The following NSMCE2 variants were observed in gnomAD, a reference collection of about 807,000 sequenced individuals.
The protein encoded by NSMCE2 is NSE2 SUMO ligase component of SMC5/6 complex.
Under a neutral mutation model 23.8 loss-of-function variants are expected in NSMCE2, and 24 were observed. The observed-to-expected ratio is 1.01, with a 90% CI of 0.73 to 1.42. NSMCE2 has a LOEUF of 1.42. Ranked by LOEUF, NSMCE2 falls within the 40% of genes most tolerant of loss-of-function variation. The probability of loss-of-function intolerance (pLI) is 0.00; values close to 1 mark genes in which losing one functional copy is unlikely to be tolerated. For missense variants in NSMCE2, 284 were observed against 296.5 expected (o/e 0.96, Z 0.31); for synonymous variants, 92 against 94.1 (o/e 0.98, Z 0.13).
chr8:125,365,956 A>T (rs1035837352), intron 7 of NSMCE2, among the ~76,000 whole-genome samples: 34 of 152,190 alleles, frequency 2.2e-4, no homozygotes, highest in African/African-American at 7.0e-4. Flanking sequence ...CGCTGCAGCC[A>T]CATAGAGCTT....
intron 5 of NSMCE2, among the ~76,000 whole-genome samples, chr8:125,293,570 A>G (rs1470945052): frequency 3.7e-5 from 5 of 135,104 alleles, no homozygotes; most frequent in African/African-American, 9.0e-5. Flanking sequence ...TGTAGGGAAC[A>G]CAAACAGGAG....
intron 3 of NSMCE2, among the ~76,000 whole-genome samples, chr8:125,138,463 T>G (rs1820184358): frequency 6.6e-6 from 1 of 152,076 alleles, no homozygotes. Flanking sequence ...TGGCCTGAAG[T>G]GATCCTCCTG....
At chr8:125,327,127 G>C (rs188292775) in intron 5 of NSMCE2, among the ~76,000 whole-genome samples, 2 of 151,558 alleles carry the variant, frequency 1.3e-5, no homozygotes, top group African/African-American at 2.4e-5. Context: ...ATTAGCCGGC[G>C]TGGTGGCGAG....
intron 7 of NSMCE2, among the ~76,000 whole-genome samples, chr8:125,366,063 C>T (rs1450286721): frequency 6.6e-6 from 1 of 152,092 alleles, no homozygotes; most frequent in Non-Finnish European, 1.5e-5. Flanking sequence ...ACGCTTCATT[C>T]TGGGTCCTGC....
intron 5 of NSMCE2, among the ~76,000 whole-genome samples, chr8:125,256,884 C>G (rs1308176103): frequency 8.3e-6 from 1 of 120,832 alleles, no homozygotes; most frequent in African/African-American, 3.2e-5. Context: ...GATTGTGCCA[C>G]TGCACTCCAG....
intron 3 of NSMCE2, among the ~76,000 whole-genome samples, chr8:125,139,135 A>G (rs544585716): frequency 6.6e-6 from 1 of 152,300 alleles, no homozygotes; most frequent in African/African-American, 2.4e-5. Flanking sequence ...TTGCCATCAC[A>G]CTAAGAGCCA....
At chr8:125,344,109 T>A (rs1164384315) in intron 5 of NSMCE2, among the ~76,000 whole-genome samples, 1 of 152,202 alleles carries the variant, frequency 6.6e-6, no homozygotes, top group Non-Finnish European at 1.5e-5. Flanking sequence ...AATTGAAATG[T>A]TGCAGTTTTA....
chr8:125,247,653 A>T (rs1357817391), intron 5 of NSMCE2, among the ~76,000 whole-genome samples: 2 of 151,786 alleles, frequency 1.3e-5, no homozygotes, highest in African/African-American at 4.8e-5. Flanking sequence ...TGAACCCAGG[A>T]GGCAGAGGTT....
intron 5 of NSMCE2, among the ~76,000 whole-genome samples, chr8:125,279,465 T>G (rs1827610380): frequency 6.6e-6 from 1 of 152,218 alleles, no homozygotes; most frequent in African/African-American, 2.4e-5. Flanking sequence ...ATGAGCGTTT[T>G]GTTAAATAAG....
chr8:125,201,039 C>G lies in NSMCE2; in HGVS notation c.418+18783C>G, dbSNP rs549174561. ...TCTATCAATTCATTTAAGGTCTTCT[C>G]TATACTGTTTATTCTAGTTAGTCAT... On this transcript the variant is annotated intron_variant, in intron 5 of 7. Transcript: ENST00000287437. 3.1e-3 allele frequency among the ~76,000 whole-genome samples: 469 copies of G among 152,300 alleles called. 3 individuals are homozygous for G. Among genetic ancestry groups the G allele is most frequent in the African/African-American group, 0.011 (451 of 41,574 alleles).
intron 4 of NSMCE2, among the ~76,000 whole-genome samples, chr8:125,157,535 T>G (rs1019227474): frequency 6.6e-6 from 1 of 152,248 alleles, no homozygotes; most frequent in Non-Finnish European, 1.5e-5. Flanking sequence ...TAGAACTCCC[T>G]GTACAGTTAT....
At chr8:125,317,091 G>A (rs570717359) in intron 5 of NSMCE2, among the ~76,000 whole-genome samples, 1 of 150,606 alleles carries the variant, frequency 6.6e-6, no homozygotes, top group South Asian at 2.1e-4. Context: ...CTGGCCTATT[G>A]TTTCTGATTT....
At chr8:125,258,402 G>C (rs1443517706) in intron 5 of NSMCE2, among the ~76,000 whole-genome samples, 2 of 152,134 alleles carry the variant, frequency 1.3e-5, no homozygotes, top group African/African-American at 4.8e-5. Context: ...CTAGTAATCT[G>C]CACAGTTTAG....
chr8:125,223,238 G>T (rs1261651162), intron 5 of NSMCE2, among the ~76,000 whole-genome samples: 1 of 151,022 alleles, frequency 6.6e-6, no homozygotes, highest in Non-Finnish European at 1.5e-5. Context: ...CACACCTGTG[G>T]TCCCAGCTAC....
At chr8:125,167,763 A>T (rs1248133492) in intron 4 of NSMCE2, among the ~76,000 whole-genome samples, 2 of 146,418 alleles carry the variant, frequency 1.4e-5, no homozygotes, top group East Asian at 2.0e-4. Context: ...TTCTTGTAAG[A>T]TTTTTTTTTT....
At chr8:125,281,907 C>T (rs552878619) in intron 5 of NSMCE2, among the ~76,000 whole-genome samples, 1 of 152,138 alleles carries the variant, frequency 6.6e-6, no homozygotes, top group South Asian at 2.1e-4. Context: ...TCTTAGAAGG[C>T]TCCAATATAC....
At chr8:125,232,219 C>T (rs569048530) in intron 5 of NSMCE2, among the ~76,000 whole-genome samples, 7 of 151,930 alleles carry the variant, frequency 4.6e-5, no homozygotes, top group East Asian at 1.9e-4. Context: ...AAAAATCAGC[C>T]GGATGTGGTG....
intron 5 of NSMCE2, chr8:125,348,168 G>A (rs1812861102): frequency 6.6e-6 from 1 of 152,060 alleles, no homozygotes; most frequent in Non-Finnish European, 1.5e-5. Flanking sequence ...GATAACAGTG[G>A]TAAAAATAAT....
chr8:125,130,503 T>C (rs1819722200), intron 3 of NSMCE2: 2 of 216,702 alleles, frequency 9.2e-6, no homozygotes, highest in Non-Finnish European at 1.9e-5. Flanking sequence ...AGAGTTTTGT[T>C]TTCTCTGCTT....
Sources: allele counts gnomAD v4.1 joint callset (sites outside exome capture counted in the v4.1 genomes callset), GRCh38; gene constraint gnomAD v4.1.1; transcripts MANE v1.5; gene names NCBI Gene and HGNC (gene_info 2026-07-23, HGNC 2026-07-21).